The following PPIL2 variants were observed in gnomAD, a reference collection of about 807,000 sequenced individuals.
PPIL2 encodes RING-type E3 ubiquitin-protein ligase PPIL2.
Under a neutral mutation model 75.2 loss-of-function variants are expected in PPIL2, and 50 were observed. The observed-to-expected ratio is 0.66, with a 90% CI of 0.53 to 0.84. PPIL2 has a LOEUF of 0.84. Among genes scored for constraint, PPIL2 ranks in the 40% least tolerant of loss-of-function variants. The pLI is 0.00. For synonymous variants in PPIL2, 245 were observed against 258.8 expected (o/e 0.95, Z 0.51); for missense variants, 590 against 685.0 (o/e 0.86, Z 1.55).
intron 3 of PPIL2, 76 bp downstream of exon 3, chr22:21,670,687 G>T: frequency 1.4e-6 from 2 of 1,459,936 alleles, no homozygotes; most frequent in South Asian, 2.3e-5. Flanking sequence ...GCCCCTTGTG[G>T]ATGTGGGGTT....
Position 21,697,102 on chromosome 22 carries a change from A to G in PPIL2, c.*1612A>G. ...ACGCCCTCCATCCCTCCCGCCAGGCACTGTCCTCCGCAAGGCCTGGTGCAG... is the reference window on the plus strand; with the variant it reads ...ACGCCCTCCATCCCTCCCGCCAGGCGCTGTCCTCCGCAAGGCCTGGTGCAG... On this transcript the variant is annotated 3_prime_UTR_variant, in exon 20 of 20. Coordinates refer to ENST00000398831, the MANE Select transcript of PPIL2 (RefSeq NM_014337.4). 8.9e-7 allele frequency: 1 copy of G among 1,125,474 alleles called. No individual in the cohort carries two copies. The highest frequency in any genetic ancestry group is 1.3e-6 in the Non-Finnish European group (1 of 798,452). The allele number at this position is 1,125,474 out of a possible 1,614,324, so 69.7% of individuals were successfully genotyped here. A position where few individuals can be genotyped will look rare whatever the true frequency, so the allele number is the denominator to read the frequency against.
chr22:21,679,577 G>A (rs1244065673), intron 6 of PPIL2, among the ~76,000 whole-genome samples: 2 of 151,746 alleles, frequency 1.3e-5, no homozygotes, highest in African/African-American at 4.8e-5. Flanking sequence ...TTCCAGCCTG[G>A]GTGATAGAGC....
In PPIL2 at chr22:21,695,953, C is replaced by T; in HGVS notation, c.*463C>T. 1.5e-6 allele frequency: 1 copy of T among 664,112 alleles called. No individual in the cohort carries two copies. Among genetic ancestry groups the T allele is most frequent in the Non-Finnish European group, 1.9e-6 (1 of 521,538 alleles). 41.1% of individuals were successfully genotyped at this position (664,112 alleles called of 1,614,324 possible). Reference sequence around the variant, plus strand: ...CCTCCTGCCTCAGCCTCGCAAGTAGCTGGGACTACAGCCGTGCACCACTAC... The same window carrying T: ...CCTCCTGCCTCAGCCTCGCAAGTAGTTGGGACTACAGCCGTGCACCACTAC... On this transcript the variant is annotated 3_prime_UTR_variant, in exon 20 of 20. Transcript: ENST00000398831.
chr22:21,692,801 C>A (rs2067731269), intron 15 of PPIL2, among the ~76,000 whole-genome samples: 1 of 151,420 alleles, frequency 6.6e-6, no homozygotes, highest in East Asian at 2.1e-4. Context: ...TGGCGGGCGC[C>A]TGTAGTCCCA....
chr22:21,677,838 T>A (rs2066941469), intron 6 of PPIL2, among the ~76,000 whole-genome samples: 1 of 152,090 alleles, frequency 6.6e-6, no homozygotes, highest in African/African-American at 2.4e-5. Flanking sequence ...CAGCAGGGTG[T>A]GCCAGAGGCT....
intron 2 of PPIL2, 56 bp from the exon 3 acceptor site, chr22:21,670,510 A>C (rs184420297): frequency 6.5e-7 from 1 of 1,537,770 alleles, no homozygotes; most frequent in South Asian, 1.1e-5. Context: ...GCAGGTGCAC[A>C]TAGATGAAAT....
intron 6 of PPIL2, among the ~76,000 whole-genome samples, chr22:21,679,289 G>A (rs935024962): frequency 6.6e-5 from 10 of 151,490 alleles, no homozygotes; most frequent in African/African-American, 2.2e-4. Flanking sequence ...TGATCCTCCC[G>A]CGTCAGCATC....
intron 16 of PPIL2, 30 bp from the exon 17 acceptor site, chr22:21,694,563 C>A: frequency 6.2e-7 from 1 of 1,612,592 alleles, no homozygotes; most frequent in Non-Finnish European, 8.5e-7. Context: ...CTTGAGCACA[C>A]GCAGACCCAC....
chr22:21,685,352 C>T (rs1337896633), intron 10 of PPIL2, among the ~76,000 whole-genome samples: 1 of 152,112 alleles, frequency 6.6e-6, no homozygotes, highest in East Asian at 1.9e-4. Flanking sequence ...TGGGGCGTTT[C>T]ATGGTCTGCT....
intron 4 of PPIL2, among the ~76,000 whole-genome samples, chr22:21,671,656 C>G (rs2066638956): frequency 6.6e-6 from 1 of 152,136 alleles, no homozygotes; most frequent in East Asian, 1.9e-4. Context: ...AGTCCTTCCA[C>G]CTCAGCCTCC....
chr22:21,693,549 A>G (rs145176182), intron 15 of PPIL2, among the ~76,000 whole-genome samples: 123 of 152,330 alleles, frequency 8.1e-4, no homozygotes, highest in African/African-American at 2.9e-3. Context: ...GGTTCTGGGC[A>G]CAGGGACCAC....
At chr22:21,674,756 G>T in intron 5 of PPIL2, among the ~76,000 whole-genome samples, 1 of 152,222 alleles carries the variant, frequency 6.6e-6, no homozygotes, top group Non-Finnish European at 1.5e-5. Flanking sequence ...AGTAATCTGT[G>T]CTCACCATAA....
At chr22:21,666,851 C>T (rs1047870626) in intron 1 of PPIL2, among the ~76,000 whole-genome samples, 1 of 152,052 alleles carries the variant, frequency 6.6e-6, no homozygotes, top group African/African-American at 2.4e-5. Context: ...GTGCCCCGTG[C>T]CCCACGTCCC....
intron 1 of PPIL2, among the ~76,000 whole-genome samples, chr22:21,668,072 G>A (rs1459530969): frequency 6.6e-6 from 1 of 151,710 alleles, no homozygotes; most frequent in Non-Finnish European, 1.5e-5. Flanking sequence ...CCACCGTGCC[G>A]GGCCAGACAT....
chr22:21,675,579 G>C (rs1443856258), intron 6 of PPIL2, among the ~76,000 whole-genome samples: 1 of 152,198 alleles, frequency 6.6e-6, no homozygotes, highest in Non-Finnish European at 1.5e-5. Flanking sequence ...GGTCTGGGTA[G>C]TTTTAAGGTG....
chr22:21,668,713 C>G (rs1425375391), intron 1 of PPIL2, among the ~76,000 whole-genome samples: 1 of 95,738 alleles, frequency 1.0e-5, no homozygotes, highest in Non-Finnish European at 2.0e-5. Flanking sequence ...AATAAGATAC[C>G]ATTTTTTTTT....
At chr22:21,668,679 T>C (rs1010001310) in intron 1 of PPIL2, among the ~76,000 whole-genome samples, 10 of 150,236 alleles carry the variant, frequency 6.7e-5, no homozygotes, top group African/African-American at 2.0e-4. Context: ...AATCATAAGA[T>C]TGACAAAACA....
chr22:21,693,526 G>C (rs774943323), intron 15 of PPIL2, among the ~76,000 whole-genome samples: 1 of 152,232 alleles, frequency 6.6e-6, no homozygotes, highest in Non-Finnish European at 1.5e-5. Context: ...CCACAGAGCT[G>C]CATGGCCAAC....
intron 17 of PPIL2, 41 bp from the exon 18 acceptor site, chr22:21,694,714 G>C: frequency 6.2e-7 from 1 of 1,612,460 alleles, no homozygotes; most frequent in Non-Finnish European, 8.5e-7. Flanking sequence ...CAGGCAGGCA[G>C]GGGGAGGACC....
Sources: allele counts gnomAD v4.1 joint callset (sites outside exome capture counted in the v4.1 genomes callset), GRCh38; gene constraint gnomAD v4.1.1; transcripts MANE v1.5; gene names NCBI Gene and HGNC (gene_info 2026-07-23, HGNC 2026-07-21).